Variants in PCDHGB3 observed in about 807,000 individuals in gnomAD.
PCDHGB3 encodes the protein protocadherin gamma subfamily B, 3.
PCDHGB3 carries 40 observed loss-of-function variants against 59.2 expected under a neutral mutation model. That is an observed-to-expected ratio of 0.68 (90% confidence interval 0.52 to 0.88). The LOEUF (loss-of-function observed/expected upper bound fraction) is 0.88. Ranked by LOEUF, PCDHGB3 falls within the 40% of genes least tolerant of loss-of-function variation. The probability of loss-of-function intolerance (pLI) is 0.00; values close to 1 mark genes in which losing one functional copy is unlikely to be tolerated. For synonymous variants in PCDHGB3, 581 were observed against 503.6 expected (o/e 1.15, Z -2.06); for missense variants, 1,309 against 1,187.9 (o/e 1.10, Z -1.50).
At chr5:141,471,114 T>A (rs1210058743) in intron 1 of PCDHGB3, among the ~76,000 whole-genome samples, 1 of 150,256 alleles carries the variant, frequency 6.7e-6, no homozygotes, top group Non-Finnish European at 1.5e-5. Context: ...AGTGGTGCGA[T>A]CTTACCTTCA....
At position 141,487,665 on chromosome 5, in the gene PCDHGB3, G is replaced by C. The variant is rs373971935; in HGVS notation, c.2416-7142G>C. 2.1e-5 allele frequency: 34 copies of C among 1,612,724 alleles called. No homozygotes were observed. In the South Asian group the frequency reaches 3.4e-4, roughly 16 times the overall value. ...ATGCTTGAGGGTTATTCTGATCCAG[G>C]CATATGGCTAGGCCATGTCCTAGAG... On this transcript the variant is annotated intron_variant, in intron 1 of 3. Transcript: ENST00000576222. The surrounding 1 kb of genome is among the most constrained non-coding windows in gnomAD (Gnocchi z 5.0).
At chr5:141,393,326 G>C (rs2092729554) in intron 1 of PCDHGB3, 2 of 1,611,218 alleles carry the variant, frequency 1.2e-6, no homozygotes, top group Non-Finnish European at 1.7e-6. Context: ...AGAGCTACCA[G>C]CTCAGCCCCA....
Position 141,491,925 on chromosome 5 carries a change from G to C in PCDHGB3, c.2416-2882G>C. On this transcript the variant is annotated intron_variant, in intron 1 of 3. Coordinates refer to ENST00000576222, the MANE Select transcript of PCDHGB3 (RefSeq NM_018924.5). This position sits in a 1 kb window ranked among gnomAD's most constrained non-coding sequence, Gnocchi z 6.9. ...GGGTGGTGGCGACTGTGGGCGAGGG[G>C]AGGTGGGACCGACCCCCACCCCTAC... 1 of 1,325,176 alleles carries C rather than the reference G, an allele frequency of 7.5e-7. No individual in the cohort carries two copies. Among genetic ancestry groups the C allele is most frequent in the Non-Finnish European group, 1.0e-6 (1 of 987,300 alleles). The allele number at this position is 1,325,176 out of a possible 1,614,324, so 82.1% of individuals were successfully genotyped here.
At chr5:141,383,599 G>T in intron 1 of PCDHGB3, 2 of 1,613,742 alleles carry the variant, frequency 1.2e-6, no homozygotes, top group Non-Finnish European at 8.5e-7. Flanking sequence ...GACAGTGGTG[G>T]ATGTGAATGA....
chr5:141,439,796 G>A (rs980000701), intron 1 of PCDHGB3: 1 of 152,318 alleles, frequency 6.6e-6, no homozygotes. Flanking sequence ...AATCCAAGAA[G>A]AGTTTGAAAA....
Position 141,372,646 on chromosome 5 carries a change from C to T in PCDHGB3, c.2252C>T (p.Ser751Phe). The change falls in exon 1 of 4, where the codon TCC (serine) becomes TTC (phenylalanine). Residue 751 changes from serine (S) to phenylalanine (F), a missense_variant. Ser to Phe is a radical substitution (Grantham distance 155). Coordinates refer to ENST00000576222, the MANE Select transcript of PCDHGB3 (RefSeq NM_018924.5). ...PTYSERTLPY[S>F]YNPCAASHSS... ...TACAGCGAAAGGACTTTGCCTTATT[C>T]CTACAATCCGTGTGCTGCCTCACAT... is the stretch of plus-strand genomic sequence containing the variant. The T allele has an allele frequency of 6.2e-7, 1 of 1,614,008 alleles. No individual in the cohort carries two copies. Among genetic ancestry groups the T allele is most frequent in the Middle Eastern group, 1.6e-4 (1 of 6,062 alleles).
chr5:141,380,974 A>G (rs1008958709), intron 1 of PCDHGB3, among the ~76,000 whole-genome samples: 1 of 152,262 alleles, frequency 6.6e-6, no homozygotes, highest in Non-Finnish European at 1.5e-5. Flanking sequence ...TATTAAACAA[A>G]TAGAATTTAA....
intron 1 of PCDHGB3, chr5:141,398,734 G>C (rs768663543): frequency 6.2e-7 from 1 of 1,613,788 alleles, no homozygotes; most frequent in Non-Finnish European, 8.5e-7. Context: ...CTTAGACCGG[G>C]AACAACAGAG....
chr5:141,413,914 A>G (rs776089620), intron 1 of PCDHGB3: 13 of 1,613,234 alleles, frequency 8.1e-6, no homozygotes. Flanking sequence ...GCCGGTCTTC[A>G]CCTTGCCAGA....
chr5:141,377,724 A>G (rs549902283), intron 1 of PCDHGB3: 1 of 152,362 alleles, frequency 6.6e-6, no homozygotes, highest in South Asian at 2.1e-4. Flanking sequence ...TTTTGAAAAG[A>G]TAAGAATCAT....
At chr5:141,410,012 C>T (rs1256228205) in intron 1 of PCDHGB3, 24 of 1,613,212 alleles carry the variant, frequency 1.5e-5, no homozygotes, top group Non-Finnish European at 2.0e-5. Context: ...CAACGCCTGG[C>T]TGTCCTACCA....
intron 1 of PCDHGB3, chr5:141,430,838 G>C (rs866767896): frequency 1.3e-6 from 2 of 1,563,026 alleles, no homozygotes; most frequent in Middle Eastern, 1.7e-4. Context: ...GTGGGAGACC[G>C]GATGCACCCA....
chr5:141,385,919 T>C (rs912267518), intron 1 of PCDHGB3: 9 of 152,446 alleles, frequency 5.9e-5, no homozygotes, highest in African/African-American at 1.7e-4. Flanking sequence ...CACTAAGATC[T>C]ATATCAAAGA....
At chr5:141,478,137 G>C (rs762316494) in intron 1 of PCDHGB3, 1 of 1,613,872 alleles carries the variant, frequency 6.2e-7, no homozygotes, top group South Asian at 1.1e-5. Context: ...CCTGAAGCCC[G>C]AGCCGAGTTC....
Position 141,413,696 on chromosome 5 carries a change from A to G in PCDHGB3, c.2415+40887A>G, listed in dbSNP as rs753150251. On this transcript the variant is annotated intron_variant, in intron 1 of 3. Coordinates refer to ENST00000576222, the MANE Select transcript of PCDHGB3 (RefSeq NM_018924.5). ...GTGGGCGTGAACTCCCTGCAGAGCTATCAGCTCAGCCCCAATAAGCACTTC... is the reference window on the plus strand; with the variant it reads ...GTGGGCGTGAACTCCCTGCAGAGCTGTCAGCTCAGCCCCAATAAGCACTTC... 3.1e-6 allele frequency: 5 copies of G among 1,613,522 alleles called. No homozygotes were observed. In the Admixed American group the frequency reaches 6.7e-5, roughly 22 times the overall value.
chr5:141,417,969 T>G, intron 1 of PCDHGB3: 1 of 1,613,768 alleles, frequency 6.2e-7, no homozygotes, highest in Non-Finnish European at 8.5e-7. Flanking sequence ...CGCTACTCGA[T>G]TCCGGAGGAG....
Position 141,399,777 on chromosome 5 carries a change from C to T in PCDHGB3, c.2415+26968C>T, listed in dbSNP as rs751610227. On this transcript the variant is annotated intron_variant, in intron 1 of 3. Transcript: ENST00000576222. ...TGAGCCTGCGCGTGTTGGTGGGCGA[C>T]CGAAACGACAACGCACCGCGGGTGC... The T allele has an allele frequency of 3.7e-6, 6 of 1,613,304 alleles. No homozygotes were observed. The Admixed American group carries it at 8.3e-5, about 22-fold the overall frequency.
chr5:141,471,893 T>G (rs1289667371), intron 1 of PCDHGB3, among the ~76,000 whole-genome samples: 1 of 152,166 alleles, frequency 6.6e-6, no homozygotes, highest in African/African-American at 2.4e-5. Flanking sequence ...CTAGGAAGAT[T>G]GACTACAGAC....
chr5:141,414,648 T>G (rs2095770464), intron 1 of PCDHGB3: 2 of 1,613,844 alleles, frequency 1.2e-6, no homozygotes, highest in Non-Finnish European at 1.7e-6. Context: ...ATGCCCAGAT[T>G]ATTTACTCCC....
Sources: gnomAD v4.1 joint callset for allele counts (sites outside exome capture counted in the v4.1 genomes callset) on GRCh38, gnomAD v4.1.1 for gene constraint, Gnocchi (gnomAD v3.1) non-coding constraint, MANE v1.5 for transcripts, NCBI Gene and HGNC (gene_info 2026-07-23, HGNC 2026-07-21) for gene names.